The following FAM117B variants were observed in gnomAD, a reference collection of about 807,000 sequenced individuals.
The protein encoded by FAM117B is family with sequence similarity 117 member B.
A neutral mutation model predicts 52.8 loss-of-function variants in FAM117B; 22 were observed. The ratio of observed to expected loss-of-function variants is 0.42; its 90% CI spans 0.30 to 0.59. The LOEUF is 0.59. Ranked by LOEUF, FAM117B falls within the 20% of genes least tolerant of loss-of-function variation. FAM117B has a pLI of 0.22. For synonymous variants in FAM117B, 309 were observed against 324.1 expected (o/e 0.95, Z 0.50); for missense variants, 678 against 802.6 (o/e 0.84, Z 1.88).
chr2:202,671,554 TTGTC>T (rs1690299139), intron 1 of FAM117B, among the ~76,000 whole-genome samples: 3 of 152,218 alleles, frequency 2.0e-5, no homozygotes, highest in African/African-American at 7.2e-5. Flanking sequence ...TGCTGAGAAA[TTGTC>T]TGGAGAACTG....
At chr2:202,678,358 G>C (rs561405706) in intron 1 of FAM117B, among the ~76,000 whole-genome samples, 5 of 152,272 alleles carry the variant, frequency 3.3e-5, no homozygotes, top group African/African-American at 1.2e-4. Flanking sequence ...GATTTGCATA[G>C]GGCTCAGGGG....
chr2:202,718,381 A>T (rs763105014), intron 2 of FAM117B, among the ~76,000 whole-genome samples: 1 of 152,156 alleles, frequency 6.6e-6, no homozygotes, highest in African/African-American at 2.4e-5. Flanking sequence ...ATGTTGAGAT[A>T]CTTTCTGTTA....
rs945893012 is a variant in FAM117B at position 202,768,762 on chromosome 2, G to A, written c.*2998G>A. ...AGAAGGTAAATAGAATAGCTTCAAT[G>A]GGAATATAATTTAAATTTTTTTAAT... On this transcript the variant is annotated 3_prime_UTR_variant, in exon 8 of 8. Transcript: ENST00000392238. 2.0e-5 allele frequency: 3 copies of A among 152,288 alleles called. No homozygotes were observed. The highest frequency in any genetic ancestry group is 7.3e-5 in the African/African-American group (3 of 41,362). The allele number at this position is 152,288 out of a possible 1,614,324, so 9.4% of individuals were successfully genotyped here. A position where few individuals can be genotyped will look rare whatever the true frequency, so the allele number is the denominator to read the frequency against.
At chr2:202,707,231 T>C (rs1468615307) in intron 2 of FAM117B, among the ~76,000 whole-genome samples, 2 of 146,608 alleles carry the variant, frequency 1.4e-5, no homozygotes, top group African/African-American at 5.0e-5. Context: ...TTTTTTTTTG[T>C]AGAGATGCGG....
chr2:202,765,028 G>A (rs996180270), intron 7 of FAM117B, among the ~76,000 whole-genome samples: 3 of 152,034 alleles, frequency 2.0e-5, no homozygotes, highest in African/African-American at 7.2e-5. Context: ...TATAGACCTC[G>A]GAAAAATCAT....
At chr2:202,759,393 T>C (rs370708070) in intron 7 of FAM117B, 40 bp downstream of exon 7, 12 of 1,594,344 alleles carry the variant, frequency 7.5e-6, no homozygotes, top group Non-Finnish European at 1.0e-5. Flanking sequence ...AAAACTATTA[T>C]GAGCTTTTTT....
At chr2:202,734,297 G>A (rs1691405957) in intron 4 of FAM117B, among the ~76,000 whole-genome samples, 1 of 152,102 alleles carries the variant, frequency 6.6e-6, no homozygotes, top group South Asian at 2.1e-4. Context: ...TGAGGTGGGG[G>A]GATTACTTGA....
intron 1 of FAM117B, among the ~76,000 whole-genome samples, chr2:202,670,601 A>G (rs1287894103): frequency 2.0e-5 from 3 of 152,290 alleles, no homozygotes; most frequent in Admixed American, 2.0e-4. Context: ...TTTCTAGTGT[A>G]GAGACTTTGT....
intron 1 of FAM117B, among the ~76,000 whole-genome samples, chr2:202,637,803 C>T (rs1357811159): frequency 6.6e-6 from 1 of 151,150 alleles, no homozygotes; most frequent in East Asian, 1.9e-4. Context: ...AAGGAAGTGA[C>T]ATCATGATGT....
At chr2:202,702,562 A>AT (rs1050518794) in intron 2 of FAM117B, among the ~76,000 whole-genome samples, 13 of 150,952 alleles carry the variant, frequency 8.6e-5, no homozygotes, top group East Asian at 3.9e-4. Context: ...GATCATTAGC[A>AT]TTTTTTTTTG....
At chr2:202,719,173 A>G (rs1353942725) in intron 2 of FAM117B, among the ~76,000 whole-genome samples, 1 of 152,242 alleles carries the variant, frequency 6.6e-6, no homozygotes, top group African/African-American at 2.4e-5. Flanking sequence ...TACATTAGGC[A>G]TATAAGTAAA....
chr2:202,700,069 C>T (rs1690774624), intron 2 of FAM117B, among the ~76,000 whole-genome samples: 2 of 152,178 alleles, frequency 1.3e-5, no homozygotes, highest in South Asian at 4.1e-4. Flanking sequence ...TGCTGAGTCT[C>T]TCCCTCTCAT....
At chr2:202,749,470 C>T (rs1200831088) in intron 4 of FAM117B, among the ~76,000 whole-genome samples, 1 of 150,724 alleles carries the variant, frequency 6.6e-6, no homozygotes, top group Non-Finnish European at 1.5e-5. Context: ...GGGTTCAGAA[C>T]ACTAGGTACG....
intron 4 of FAM117B, among the ~76,000 whole-genome samples, chr2:202,739,495 C>T (rs1691492148): frequency 7.2e-6 from 1 of 138,006 alleles, no homozygotes; most frequent in Non-Finnish European, 1.6e-5. Context: ...TAGGGTTTCA[C>T]TCTGTCACCC....
At chr2:202,635,883 G>T in intron 1 of FAM117B, 95 bp downstream of exon 1, 2 of 1,234,190 alleles carry the variant, frequency 1.6e-6, no homozygotes, top group South Asian at 5.9e-5. Context: ...GAGCTGCCGC[G>T]GAGCCCGGGT....
intron 2 of FAM117B, among the ~76,000 whole-genome samples, chr2:202,704,100 C>A (rs1026623871): frequency 6.6e-6 from 1 of 152,114 alleles, no homozygotes; most frequent in African/African-American, 2.4e-5. Flanking sequence ...TTGCATATCT[C>A]CTTTAGAGTT....
At chr2:202,647,135 TATTTA>T (rs756456815) in intron 1 of FAM117B, among the ~76,000 whole-genome samples, 22 of 152,172 alleles carry the variant, frequency 1.4e-4, no homozygotes, top group Non-Finnish European at 3.2e-4. Context: ...TCTAAAGGTA[TATTTA>T]ATTTAAATGA....
At chr2:202,748,361 A>G (rs1335819136) in intron 4 of FAM117B, among the ~76,000 whole-genome samples, 1 of 152,194 alleles carries the variant, frequency 6.6e-6, no homozygotes, top group Non-Finnish European at 1.5e-5. Context: ...GTTTCAGCAC[A>G]TTGGTCTAGG....
intron 1 of FAM117B, among the ~76,000 whole-genome samples, chr2:202,680,106 T>C (rs774103294): frequency 5.3e-4 from 80 of 152,140 alleles, no homozygotes; most frequent in Non-Finnish European, 1.0e-3. Context: ...TCTTATCTGA[T>C]GAGAAAGATC....
Sources: allele counts gnomAD v4.1 joint callset (sites outside exome capture counted in the v4.1 genomes callset), GRCh38; gene constraint gnomAD v4.1.1; transcripts MANE v1.5; gene names NCBI Gene and HGNC (gene_info 2026-07-23, HGNC 2026-07-21).